The following ANKFN1 variants were observed in gnomAD, a reference collection of about 807,000 sequenced individuals.
ANKFN1 encodes ankyrin repeat and fibronectin type III domain containing 1, also known as ankyrin repeat and fibronectin type-III domain-containing protein 1.
In ANKFN1, 74 loss-of-function variants were observed where a neutral mutation model predicts 108.7. The observed-to-expected ratio is 0.68, with a 90% CI of 0.56 to 0.83. ANKFN1 has a LOEUF of 0.83. ANKFN1 is among the 40% of genes least tolerant of loss of function. The pLI is 0.00. For synonymous variants in ANKFN1, 547 were observed against 516.2 expected, an observed-to-expected ratio of 1.06 and a Z score of -0.81; for missense variants, 1,505 against 1,382.3, an observed-to-expected ratio of 1.09 and a Z score of -1.41.
At chr17:56,229,171 C>T (rs1916513885) in intron 3 of ANKFN1, among the ~76,000 whole-genome samples, 1 of 152,110 alleles carries the variant, frequency 6.6e-6, no homozygotes, top group Admixed American at 6.6e-5. Context: ...ATTACGCATT[C>T]ACTGATATTT....
chr17:56,152,061 T>C (rs1234962571), upstream of ANKFN1, among the ~76,000 whole-genome samples: 1 of 152,164 alleles, frequency 6.6e-6, no homozygotes, highest in Non-Finnish European at 1.5e-5. Flanking sequence ...TAGAGGGCCA[T>C]TCCTGTGATT....
rs200847835 is a variant in ANKFN1 at position 56,480,724 on chromosome 17, A to G, written c.1997A>G (p.Asp666Gly). Residue 666 changes from aspartate (D) to glycine (G), a missense_variant, in exon 17 of 21, where the codon GAT becomes GGT. Asp to Gly is a moderately conservative substitution (Grantham distance 94). Coordinates refer to ENST00000682825, the MANE Select transcript of ANKFN1 (RefSeq NM_001370326.1). ...LSGSESMESV[D>G]HTSDCPMQLF... is the part of the protein sequence containing the mutation. ...GGCTCTGAATCTATGGAAAGTGTGG[A>G]TCATACTTCTGACTGCCCCATGCAA... is the stretch of plus-strand genomic sequence containing the variant. The G allele has an allele frequency of 1.2e-6, 2 of 1,614,068 alleles. No individual in the cohort carries two copies. The highest frequency in any genetic ancestry group is 1.7e-6 in the Non-Finnish European group (2 of 1,179,954).
chr17:56,114,734 CAGCCGATCTTA>C (rs1436191487), intron 4 of ANKFN1, among the ~76,000 whole-genome samples: 1 of 152,188 alleles, frequency 6.6e-6, no homozygotes, highest in Non-Finnish European at 1.5e-5. Context: ...AATTGCTAAT[CAGCCGATCTTA>C]AAATAGAGAG....
intron 4 of ANKFN1, among the ~76,000 whole-genome samples, chr17:56,119,387 G>A (rs1387768921): frequency 3.3e-5 from 5 of 152,182 alleles, no homozygotes; most frequent in African/African-American, 1.2e-4. Flanking sequence ...CCAGAAGGGT[G>A]AAGATGCTTT....
intron 3 of ANKFN1, among the ~76,000 whole-genome samples, chr17:56,234,619 T>C (rs1179424236): frequency 2.0e-5 from 3 of 152,208 alleles, no homozygotes; most frequent in East Asian, 3.8e-4. Flanking sequence ...TTTCTGTTCC[T>C]GCATTAGTCT....
chr17:56,072,451 T>C (rs959219150), intron 4 of ANKFN1, among the ~76,000 whole-genome samples: 2 of 152,108 alleles, frequency 1.3e-5, no homozygotes, highest in Non-Finnish European at 2.9e-5. Context: ...AGTTAATGGT[T>C]CCTATTGCAT....
intron 4 of ANKFN1, among the ~76,000 whole-genome samples, chr17:56,130,810 G>A (rs1340327068): frequency 6.6e-6 from 1 of 152,092 alleles, no homozygotes; most frequent in Non-Finnish European, 1.5e-5. Flanking sequence ...CAGAGTTGAT[G>A]TGCACACTGG....
chr17:56,416,687 C>T (rs542471473), intron 8 of ANKFN1, among the ~76,000 whole-genome samples: 36 of 152,206 alleles, frequency 2.4e-4, no homozygotes, highest in South Asian at 1.0e-3. Context: ...CCATACAGCC[C>T]GGCGATCCCG....
chr17:56,128,118 T>C (rs1210204264), intron 4 of ANKFN1, among the ~76,000 whole-genome samples: 1 of 152,162 alleles, frequency 6.6e-6, no homozygotes, highest in Non-Finnish European at 1.5e-5. Flanking sequence ...TAGTCTGCAC[T>C]GTAACCACCC....
intron 3 of ANKFN1, among the ~76,000 whole-genome samples, chr17:56,298,006 G>T (rs4793808): frequency 0.13 from 19,207 of 152,098 alleles, 1,436 homozygotes; most frequent in African/African-American, 0.22. Flanking sequence ...TAGAGCAGTG[G>T]ATCTCAGAGT....
intron 3 of ANKFN1, among the ~76,000 whole-genome samples, chr17:56,278,077 A>G (rs1285633089): frequency 2.0e-5 from 3 of 152,220 alleles, no homozygotes; most frequent in Non-Finnish European, 4.4e-5. Flanking sequence ...TATATTATCA[A>G]TTGATAACTT....
chr17:56,426,567 A>G (rs569954259), intron 8 of ANKFN1, among the ~76,000 whole-genome samples: 2 of 152,242 alleles, frequency 1.3e-5, no homozygotes, highest in Non-Finnish European at 2.9e-5. Flanking sequence ...TAGAGATATT[A>G]CATACAAGCA....
chr17:56,501,496 G>A (rs1443130590), intron 20 of ANKFN1, among the ~76,000 whole-genome samples: 1 of 152,148 alleles, frequency 6.6e-6, no homozygotes, highest in Non-Finnish European at 1.5e-5. Context: ...AAAGGTAAGA[G>A]AGAAGGAAAA....
In ANKFN1 at chr17:56,510,801, GC is replaced by G. The variant is rs2051728062; in HGVS notation, c.2978del (p.Pro993ArgfsTer2). The G allele has an allele frequency of 6.5e-7, 1 of 1,535,982 alleles. No homozygotes were observed. Among genetic ancestry groups the G allele is most frequent in the African/African-American group, 1.4e-5 (1 of 73,042 alleles). ...ACGCCAAGACTGTGTCCGGTGGGCG[GC>G]CCCCGCTAGGCTTCCTGGGAAAGCG... ...NHAKTVSGGR[P>X]PLGFLGKRKP... is the part of the protein sequence containing the mutation. On this transcript the variant is annotated frameshift_variant, in exon 21 of 21. Transcript: ENST00000682825. LOFTEE classifies it low-confidence loss of function (END_TRUNC).
At chr17:56,174,383 G>A (rs1420448807) in intron 1 of ANKFN1, 1 of 985,640 alleles carries the variant, frequency 1.0e-6, no homozygotes, top group South Asian at 4.7e-5. Context: ...CTGGATTGGA[G>A]GAGGGAGCAG....
chr17:56,459,210 A>G (rs1471899565), intron 14 of ANKFN1, among the ~76,000 whole-genome samples: 1 of 152,110 alleles, frequency 6.6e-6, no homozygotes, highest in Non-Finnish European at 1.5e-5. Context: ...TCCTGGGTTG[A>G]AGCAATTCTC....
intron 8 of ANKFN1, among the ~76,000 whole-genome samples, chr17:56,434,393 AAAGAAG>A (rs1555652384): frequency 6.6e-6 from 1 of 150,906 alleles, no homozygotes; most frequent in Non-Finnish European, 1.5e-5. Context: ...AAAAAAAAAA[AAAGAAG>A]AAGAAGAAGA....
intron 3 of ANKFN1, among the ~76,000 whole-genome samples, chr17:56,299,375 CT>C (rs1173436073): frequency 6.6e-6 from 1 of 152,188 alleles, no homozygotes; most frequent in African/African-American, 2.4e-5. Context: ...ACTCTGACCC[CT>C]CTCCTGGTTT....
rs6505061 is a variant in ANKFN1, at chr17:56,512,259, C to T, written c.*990C>T. 0.88 allele frequency among the ~76,000 whole-genome samples: 133,334 copies of T among 152,218 alleles called. 58,500 individuals are homozygous for T. Among genetic ancestry groups the T allele is most frequent in the East Asian group, 0.97 (5,004 of 5,180 alleles). ...TGAACCAGAAAGTGCCCTGCAGATACGGTCAGTCAGCAATGGGCTCCTCAC... is the reference window on the plus strand; with the variant it reads ...TGAACCAGAAAGTGCCCTGCAGATATGGTCAGTCAGCAATGGGCTCCTCAC... On this transcript the variant is annotated 3_prime_UTR_variant, in exon 21 of 21. Coordinates refer to ENST00000682825, the MANE Select transcript of ANKFN1 (RefSeq NM_001370326.1).
Sources: allele counts gnomAD v4.1 joint callset (sites outside exome capture counted in the v4.1 genomes callset), GRCh38; gene constraint gnomAD v4.1.1; transcripts MANE v1.5; gene names NCBI Gene and HGNC (gene_info 2026-07-23, HGNC 2026-07-21).